The following DCHS2 variants were observed in gnomAD, a reference collection of about 807,000 sequenced individuals.
The protein encoded by DCHS2 is protocadherin-23.
A neutral mutation model predicts 182.4 loss-of-function variants in DCHS2; 142 were observed. The ratio of observed to expected loss-of-function variants is 0.78; its 90% CI spans 0.68 to 0.89. The LOEUF (loss-of-function observed/expected upper bound fraction) is 0.89, where lower values mean the gene tolerates loss of function less well. Among genes scored for constraint, DCHS2 ranks in the 40% least tolerant of loss-of-function variants. The pLI, the probability that DCHS2 is intolerant of heterozygous loss-of-function variation, is 0.00. For missense variants in DCHS2, 4,319 were observed against 4,198.6 expected (o/e 1.03, Z -0.79); for synonymous variants, 1,740 against 1,663.3 (o/e 1.05, Z -1.12).
chr4:154,332,117 TG>T (rs1259340883), intron 5 of DCHS2, among the ~76,000 whole-genome samples: 1 of 152,220 alleles, frequency 6.6e-6, no homozygotes, highest in South Asian at 2.1e-4. Context: ...GGATGGTTGT[TG>T]AAAAAATTAG....
Position 154,379,092 on chromosome 4 carries a change from A to T in DCHS2, c.2053-1648T>A, listed in dbSNP as rs149279827. 7.9e-3 allele frequency among the ~76,000 whole-genome samples: 1,208 copies of T among 152,340 alleles called. 17 individuals are homozygous for T. Among genetic ancestry groups the T allele is most frequent in the African/African-American group, 0.027 (1,138 of 41,576 alleles). ...TGATGACAATTGGAAATAAAAGAGA[A>T]TTAAGCAGATTAATTCAGAAAGTCC... On this transcript the variant is annotated intron_variant, in intron 1 of 19. Coordinates refer to ENST00000357232, the MANE Select transcript of DCHS2 (RefSeq NM_001358235.2).
At chr4:154,432,323 T>C (rs1047384750) in intron 1 of DCHS2, among the ~76,000 whole-genome samples, 1 of 152,190 alleles carries the variant, frequency 6.6e-6, no homozygotes, top group African/African-American at 2.4e-5. Context: ...ACAACTATGA[T>C]TTGTCAATTT....
chr4:154,367,224 A>G (rs547958778), intron 2 of DCHS2, among the ~76,000 whole-genome samples: 2 of 152,292 alleles, frequency 1.3e-5, no homozygotes, highest in Admixed American at 1.3e-4. Context: ...TTTGAGCACA[A>G]GAGTGGCCTG....
chr4:154,321,081 G>GT lies in DCHS2; in HGVS notation c.4317dup (p.His1440ThrfsTer3). On this transcript the variant is annotated frameshift_variant, in exon 9 of 20. Transcript: ENST00000357232. LOFTEE classifies it high-confidence loss of function. ...TTATCATCTGCAACAATACTAAAAT[G>GT]TAACTTTCCATTATAATGTTGTTGA... 6.2e-7 allele frequency: 1 copy of GT among 1,609,222 alleles called. No homozygotes were observed. The highest frequency in any genetic ancestry group is 8.5e-7 in the Non-Finnish European group (1 of 1,175,968).
chr4:154,275,431 T>C (rs890733282), intron 13 of DCHS2, among the ~76,000 whole-genome samples: 3 of 152,156 alleles, frequency 2.0e-5, no homozygotes, highest in Non-Finnish European at 2.9e-5. Flanking sequence ...TAATGGATTA[T>C]AATCAATCAT....
In DCHS2 at chr4:154,349,784, G is replaced by A. The variant is rs565706230; in HGVS notation, c.2477-14680C>T. On this transcript the variant is annotated intron_variant, in intron 3 of 19. Transcript: ENST00000357232. ...GATATGTATTTAAACGTGTTGCTACGATTAACAGATAGTTGATGAATACTA... is the reference window on the plus strand; with the variant it reads ...GATATGTATTTAAACGTGTTGCTACAATTAACAGATAGTTGATGAATACTA... 9.2e-5 allele frequency among the ~76,000 whole-genome samples: 14 copies of A among 152,224 alleles called. No individual in the cohort carries two copies. In the East Asian group the frequency reaches 2.3e-3, roughly 25 times the overall value.
In DCHS2 at chr4:154,352,256, T is replaced by G. The variant is rs151299229; in HGVS notation, c.2476+13954A>C. Among the ~76,000 whole-genome samples the G allele has an allele frequency of 3.3e-3, 508 of 152,308 alleles. 2 individuals carry two copies. The highest frequency in any genetic ancestry group is 0.012 in the African/African-American group (486 of 41,568). On this transcript the variant is annotated intron_variant, in intron 3 of 19. Coordinates refer to ENST00000357232, the MANE Select transcript of DCHS2 (RefSeq NM_001358235.2). The stretch of plus-strand genomic sequence containing the variant: ...CACAAGTCACCCCAACCTGCCAGAC[T>G]AAATATGGGATCTTCTCTAAACCAA...
intron 14 of DCHS2, among the ~76,000 whole-genome samples, chr4:154,263,455 G>C (rs1733081307): frequency 6.6e-6 from 1 of 151,844 alleles, no homozygotes; most frequent in African/African-American, 2.4e-5. Context: ...TTCTACAGAG[G>C]ACAAAACAGA....
chr4:154,453,284 C>A (rs1734614348), intron 1 of DCHS2, among the ~76,000 whole-genome samples: 1 of 138,404 alleles, frequency 7.2e-6, no homozygotes, highest in African/African-American at 2.8e-5. Flanking sequence ...CAGAAAGGGG[C>A]AGACACAGGG....
At chr4:154,357,178 T>C in intron 3 of DCHS2, 2 of 1,363,292 alleles carry the variant, frequency 1.5e-6, no homozygotes, top group Non-Finnish European at 2.1e-6. Context: ...TTTTGGTGAA[T>C]GCTTCTGACT....
intron 1 of DCHS2, among the ~76,000 whole-genome samples, chr4:154,436,101 G>T (rs776017313): frequency 3.9e-5 from 6 of 152,170 alleles, no homozygotes; most frequent in Non-Finnish European, 8.8e-5. Context: ...GGGAAATCCT[G>T]TCAGGGGGTT....
chr4:154,427,541 G>T (rs1165020336), intron 1 of DCHS2, among the ~76,000 whole-genome samples: 1 of 152,182 alleles, frequency 6.6e-6, no homozygotes, highest in South Asian at 2.1e-4. Flanking sequence ...CCCAATTTGC[G>T]AATCATTCTT....
intron 1 of DCHS2, among the ~76,000 whole-genome samples, chr4:154,455,292 C>T (rs924063610): frequency 1.4e-4 from 21 of 152,176 alleles, no homozygotes; most frequent in African/African-American, 3.4e-4. Context: ...CTCAAGAGAA[C>T]GACTGGATCT....
intron 1 of DCHS2, among the ~76,000 whole-genome samples, chr4:154,399,894 T>C (rs1025059093): frequency 6.6e-6 from 1 of 152,214 alleles, no homozygotes; most frequent in African/African-American, 2.4e-5. Context: ...CTGCTGTGAA[T>C]GAGCTGTGAG....
chr4:154,299,307 T>C (rs537609652), intron 12 of DCHS2, among the ~76,000 whole-genome samples: 1 of 152,300 alleles, frequency 6.6e-6, no homozygotes, highest in South Asian at 2.1e-4. Flanking sequence ...TTCCAAAACA[T>C]AAATAAGGAC....
At chr4:154,419,650 CAAAAAAA>C (rs70947164) in intron 1 of DCHS2, among the ~76,000 whole-genome samples, 1 of 44,914 alleles carries the variant, frequency 2.2e-5, no homozygotes, top group African/African-American at 9.8e-5. Flanking sequence ...AACTCCATCT[CAAAAAAA>C]AAAAAAAAAA....
At chr4:154,333,620 T>C (rs552547581) in intron 4 of DCHS2, 126 bp from the exon 5 acceptor site, 1 of 882,638 alleles carries the variant, frequency 1.1e-6, no homozygotes, top group Admixed American at 2.9e-5. Context: ...GGATCACATA[T>C]ACTATGATGG....
Position 154,334,968 on chromosome 4 carries a change from CAG to C in DCHS2, c.2611_2612del (p.Leu871GlyfsTer4). On this transcript the variant is annotated frameshift_variant, in exon 4 of 20. Coordinates refer to ENST00000357232, the MANE Select transcript of DCHS2 (RefSeq NM_001358235.2). LOFTEE classifies it high-confidence loss of function. ...DVTIHIFQTT[L>X]APAEFERPKY... ...TAGGCCTTTCAAACTCAGCAGGTGCCAGAGTTGTCTGGAAAATGTGTATGGTG... is the reference window on the plus strand; with the variant it reads ...TAGGCCTTTCAAACTCAGCAGGTGCCAGTTGTCTGGAAAATGTGTATGGTG... 6.2e-7 allele frequency: 1 copy of C among 1,614,114 alleles called. No homozygotes were observed. The highest frequency in any genetic ancestry group is 8.5e-7 in the Non-Finnish European group (1 of 1,180,016).
At chr4:154,346,334 C>T (rs1330733759) in intron 3 of DCHS2, among the ~76,000 whole-genome samples, 1 of 152,064 alleles carries the variant, frequency 6.6e-6, no homozygotes, top group Non-Finnish European at 1.5e-5. Flanking sequence ...AACAGACAGC[C>T]CCTACAAAGA....
Sources: allele counts gnomAD v4.1 joint callset (sites outside exome capture counted in the v4.1 genomes callset), GRCh38; gene constraint gnomAD v4.1.1; transcripts MANE v1.5; gene names NCBI Gene and HGNC (gene_info 2026-07-23, HGNC 2026-07-21).